ZNF721: variants seen among roughly 807,000 people sequenced by gnomAD.
ZNF721 encodes the protein zinc finger protein 721.
In ZNF721, 2 loss-of-function variants were observed where a neutral mutation model predicts 2.4. That is an observed-to-expected ratio of 0.82 (90% CI 0.34 to 2.58). The LOEUF (loss-of-function observed/expected upper bound fraction) is 2.58. Among genes scored for constraint, ZNF721 ranks in the 30% most tolerant of loss-of-function variants. The probability of loss-of-function intolerance (pLI) is 0.11; values close to 1 mark genes in which losing one functional copy is unlikely to be tolerated. For missense variants in ZNF721, 1,187 were observed against 1,085.5 expected, an observed-to-expected ratio of 1.09 and a Z score of -1.31; for synonymous variants, 398 against 381.8, an observed-to-expected ratio of 1.04 and a Z score of -0.50.
intron 2 of ZNF721, 70 bp from the exon 3 acceptor site, chr4:444,502 G>C: frequency 1.4e-6 from 2 of 1,414,196 alleles, no homozygotes; most frequent in Non-Finnish European, 1.9e-6. Flanking sequence ...CAAATCATAA[G>C]ATTATACAAA....
chr4:465,778 A>C (rs1291218488), intron 2 of ZNF721, among the ~76,000 whole-genome samples: 9 of 150,998 alleles, frequency 6.0e-5, no homozygotes, highest in Non-Finnish European at 4.4e-5. Flanking sequence ...TCTCTTGGAA[A>C]TTACAAAAAA....
In ZNF721 at chr4:442,833, T is replaced by C. The variant is rs782005709; in HGVS notation, c.1634A>G (p.Tyr545Cys). 1.9e-6 allele frequency: 3 copies of C among 1,613,198 alleles called. No homozygotes were observed. In the East Asian group the frequency reaches 6.7e-5, roughly 36 times the overall value. The change falls in exon 3 of 3, where the codon TAT becomes TGT. Residue 545 changes from tyrosine to cysteine, a missense_variant. Coordinates refer to ENST00000511833, the MANE Select transcript of ZNF721 (RefSeq NM_133474.4). ...GKAFRQSAIL[Y>C]VHRRIHTGEK... ...TCCAGTATGAATTCTCCTATGTACA[T>C]AAAGGATTGCGGACTGTCTAAAGGC...
At chr4:455,168 A>T (rs1714807339) in intron 2 of ZNF721, among the ~76,000 whole-genome samples, 1 of 152,130 alleles carries the variant, frequency 6.6e-6, no homozygotes, top group Non-Finnish European at 1.5e-5. Context: ...TTGCTTATAT[A>T]CCTACATTGC....
intron 1 of ZNF721, among the ~76,000 whole-genome samples, chr4:480,561 T>G (rs1309040121): frequency 3.3e-5 from 5 of 152,192 alleles, no homozygotes; most frequent in Non-Finnish European, 7.3e-5. Context: ...CCTTTTACTC[T>G]CTCTCCAGCT....
intron 2 of ZNF721, among the ~76,000 whole-genome samples, chr4:461,903 G>T (rs1715083103): frequency 6.6e-6 from 1 of 152,096 alleles, no homozygotes. Context: ...GGAAATTCTG[G>T]CCAAGGCAAT....
intron 1 of ZNF721, among the ~76,000 whole-genome samples, chr4:496,300 G>A (rs1412445813): frequency 3.3e-5 from 5 of 152,074 alleles, no homozygotes; most frequent in African/African-American, 4.8e-5. Flanking sequence ...GTTACCCCCC[G>A]AACTGGTTGG....
intron 1 of ZNF721, among the ~76,000 whole-genome samples, chr4:489,688 A>G (rs1715976600): frequency 6.6e-6 from 1 of 152,226 alleles, no homozygotes; most frequent in Non-Finnish European, 1.5e-5. Context: ...GCTGCACTCA[A>G]TGTGGCAGCC....
intron 1 of ZNF721, among the ~76,000 whole-genome samples, chr4:479,896 C>T (rs1417055251): frequency 6.6e-6 from 1 of 152,162 alleles, no homozygotes; most frequent in Non-Finnish European, 1.5e-5. Context: ...TATGGGGATT[C>T]TTTTTCAGTA....
intron 2 of ZNF721, among the ~76,000 whole-genome samples, chr4:452,341 T>C (rs782074248): frequency 6.6e-6 from 1 of 152,170 alleles, no homozygotes; most frequent in Non-Finnish European, 1.5e-5. Context: ...AAATACACGG[T>C]AATAGTCCAT....
intron 2 of ZNF721, among the ~76,000 whole-genome samples, chr4:467,433 T>C (rs1283234010): frequency 6.6e-6 from 1 of 152,208 alleles, no homozygotes; most frequent in Non-Finnish European, 1.5e-5. Flanking sequence ...ATATTTTAAG[T>C]AGTAAATTCC....
At chr4:449,772 A>T (rs1448594109) in intron 2 of ZNF721, among the ~76,000 whole-genome samples, 1 of 152,210 alleles carries the variant, frequency 6.6e-6, no homozygotes, top group Non-Finnish European at 1.5e-5. Context: ...TTTTCAAAAG[A>T]AATACAAATA....
intron 1 of ZNF721, among the ~76,000 whole-genome samples, chr4:480,717 C>T (rs184031133): frequency 6.6e-6 from 1 of 151,142 alleles, no homozygotes; most frequent in East Asian, 2.0e-4. Context: ...GTAGCATGTG[C>T]ATAATTTGCT....
chr4:452,098 C>G (rs1714686341), intron 2 of ZNF721, among the ~76,000 whole-genome samples: 1 of 152,198 alleles, frequency 6.6e-6, no homozygotes. Context: ...AAGTGCTAAT[C>G]TGACATCCTG....
chr4:492,612 GTT>G (rs544900364), intron 1 of ZNF721, among the ~76,000 whole-genome samples: 6 of 139,256 alleles, frequency 4.3e-5, no homozygotes, highest in African/African-American at 7.8e-5. Context: ...AAAGTTTTGG[GTT>G]TTTTTTTTTT....
At chr4:498,856 C>G (rs1438402968) in intron 1 of ZNF721, among the ~76,000 whole-genome samples, 200 bp downstream of exon 1, 3 of 151,938 alleles carry the variant, frequency 2.0e-5, no homozygotes, top group Non-Finnish European at 4.4e-5. Flanking sequence ...TCCCGAGTAG[C>G]TGGGACGACA....
intron 2 of ZNF721, among the ~76,000 whole-genome samples, chr4:467,806 C>A (rs75291494): frequency 6.6e-6 from 1 of 152,170 alleles, no homozygotes; most frequent in South Asian, 2.1e-4. Context: ...CGTGGCCACT[C>A]GTACACACTC....
intron 1 of ZNF721, among the ~76,000 whole-genome samples, chr4:486,185 A>T (rs1470268528): frequency 7.6e-6 from 1 of 132,392 alleles, no homozygotes. Flanking sequence ...TTTGAGACGG[A>T]GTCTCGCTCT....
In ZNF721 at chr4:442,181, A is replaced by T; in HGVS notation, c.2286T>A (p.Phe762Leu). The change falls in exon 3 of 3, where the codon TTT becomes TTA. Residue 762 changes from phenylalanine to leucine, a missense_variant. Transcript: ENST00000511833. Reference sequence around the variant, plus strand: ...GTCTATTCAGGTGTGAGGACTGTTTAAACACTTTCCCACATTCTTTACATT... The same window carrying T: ...GTCTATTCAGGTGTGAGGACTGTTTTAACACTTTCCCACATTCTTTACATT... The part of the protein sequence containing the change: ...LYKCKECGKV[F>L]KQSSHLNRHE... The T allele has an allele frequency of 6.2e-7, 1 of 1,612,444 alleles. No homozygotes were observed. The highest frequency in any genetic ancestry group is 8.5e-7 in the Non-Finnish European group (1 of 1,178,880).
intron 2 of ZNF721, among the ~76,000 whole-genome samples, chr4:471,113 G>T (rs1183087260): frequency 6.6e-6 from 1 of 151,738 alleles, no homozygotes; most frequent in Non-Finnish European, 1.5e-5. Flanking sequence ...CAAAAGGTTA[G>T]ATTTTTTTTC....
Sources: allele counts gnomAD v4.1 joint callset (sites outside exome capture counted in the v4.1 genomes callset), GRCh38; gene constraint gnomAD v4.1.1; transcripts MANE v1.5; gene names NCBI Gene and HGNC (gene_info 2026-07-23, HGNC 2026-07-21).